The following LARGE1 variants were observed in gnomAD, a reference collection of about 807,000 sequenced individuals.
LARGE1 encodes the protein LARGE xylosyl- and glucuronyltransferase 1, also known as xylosyl- and glucuronyltransferase LARGE1.
A neutral mutation model predicts 87.6 loss-of-function variants in LARGE1; 43 were observed. The ratio of observed to expected loss-of-function variants is 0.49; its 90% CI spans 0.38 to 0.63. The LOEUF (loss-of-function observed/expected upper bound fraction) is 0.63, where lower values mean the gene tolerates loss of function less well. Ranked by LOEUF, LARGE1 falls within the 30% of genes least tolerant of loss-of-function variation. LARGE1 has a pLI of 0.00. For synonymous variants in LARGE1, 434 were observed against 394.6 expected, an observed-to-expected ratio of 1.10 and a Z score of -1.18; for missense variants, 802 against 1,000.2, an observed-to-expected ratio of 0.80 and a Z score of 2.67.
intron 6 of LARGE1, among the ~76,000 whole-genome samples, chr22:33,456,627 T>C (rs960973150): frequency 1.1e-4 from 16 of 152,228 alleles, no homozygotes; most frequent in Admixed American, 5.2e-4. Flanking sequence ...GAACCTGTTG[T>C]AAATGCAACC....
chr22:33,169,314 T>C (rs889832710), intron 11 of LARGE1, among the ~76,000 whole-genome samples: 3 of 152,144 alleles, frequency 2.0e-5, no homozygotes, highest in Non-Finnish European at 4.4e-5. Flanking sequence ...AAAATTCTGC[T>C]TGGAGACAGT....
chr22:33,182,799 T>A (rs1923241580), intron 11 of LARGE1, among the ~76,000 whole-genome samples: 1 of 152,166 alleles, frequency 6.6e-6, no homozygotes, highest in Non-Finnish European at 1.5e-5. Context: ...TCTGACACCA[T>A]ATACAAAAGT....
At chr22:33,539,751 G>A (rs992415269) in intron 6 of LARGE1, among the ~76,000 whole-genome samples, 3 of 83,354 alleles carry the variant, frequency 3.6e-5, no homozygotes, top group South Asian at 4.1e-4. Context: ...GCTAATTTTT[G>A]TATTTTTTTG....
chr22:33,239,202 T>C (rs1458677372), intron 11 of LARGE1, among the ~76,000 whole-genome samples: 1 of 152,068 alleles, frequency 6.6e-6, no homozygotes, highest in African/African-American at 2.4e-5. Context: ...ATGCTGGAAT[T>C]TAAGGGGATG....
intron 6 of LARGE1, among the ~76,000 whole-genome samples, chr22:33,521,748 G>A (rs1036570560): frequency 2.6e-5 from 4 of 152,196 alleles, no homozygotes; most frequent in African/African-American, 9.7e-5. Context: ...TACTAGCAAT[G>A]TCTGCAAGGG....
intron 3 of LARGE1, among the ~76,000 whole-genome samples, chr22:33,642,710 C>CAA (rs60815644): frequency 0.4 from 7,034 of 17,418 alleles, 2,382 homozygotes; most frequent in Non-Finnish European, 0.47. Context: ...AAATGGAAAG[C>CAA]AAAAAAAAAA....
chr22:33,643,390 T>C (rs1019713757), intron 3 of LARGE1, among the ~76,000 whole-genome samples: 9 of 152,270 alleles, frequency 5.9e-5, no homozygotes, highest in African/African-American at 2.2e-4. Flanking sequence ...GGAAGACAGC[T>C]AAAGCAGTGT....
intron 11 of LARGE1, among the ~76,000 whole-genome samples, chr22:33,200,822 G>A (rs1924343598): frequency 6.6e-6 from 1 of 152,146 alleles, no homozygotes; most frequent in Non-Finnish European, 1.5e-5. Flanking sequence ...CATTGGAGAG[G>A]GAGTGCTAGT....
At chr22:33,847,359 T>C (rs141491982) in intron 1 of LARGE1, among the ~76,000 whole-genome samples, 54 of 152,372 alleles carry the variant, frequency 3.5e-4, no homozygotes, top group Middle Eastern at 3.4e-3. Flanking sequence ...GTTTCATGCA[T>C]ACACAAATAT....
At chr22:33,233,150 G>A (rs1357013081) in intron 11 of LARGE1, among the ~76,000 whole-genome samples, 2 of 152,178 alleles carry the variant, frequency 1.3e-5, no homozygotes, top group African/African-American at 4.8e-5. Flanking sequence ...GAGCATGCAA[G>A]GTAGCAAGGA....
intron 3 of LARGE1, among the ~76,000 whole-genome samples, chr22:33,628,067 G>A (rs1026673869): frequency 6.6e-6 from 1 of 152,046 alleles, no homozygotes; most frequent in Non-Finnish European, 1.5e-5. Flanking sequence ...TGGGTGCTAC[G>A]GTCTCCACCT....
intron 1 of LARGE1, among the ~76,000 whole-genome samples, chr22:33,777,387 C>T (rs962017972): frequency 3.9e-5 from 6 of 152,018 alleles, no homozygotes; most frequent in African/African-American, 1.4e-4. Context: ...TCTGTAATCC[C>T]AGCACTTCGG....
intron 7 of LARGE1, among the ~76,000 whole-genome samples, chr22:33,392,868 G>A (rs1243380882): frequency 6.6e-6 from 1 of 152,160 alleles, no homozygotes. Flanking sequence ...ATTCCCGTGA[G>A]TGTGAAATGT....
intron 12 of LARGE1, among the ~76,000 whole-genome samples, chr22:33,299,052 TA>T (rs147501992): frequency 4.1e-5 from 6 of 147,394 alleles, no homozygotes; most frequent in African/African-American, 5.0e-5. Context: ...TTACAAATGG[TA>T]AAAAAAAAAT....
At chr22:33,690,734 T>A (rs1603163639) in intron 2 of LARGE1, among the ~76,000 whole-genome samples, 2 of 149,008 alleles carry the variant, frequency 1.3e-5, no homozygotes, top group Non-Finnish European at 1.5e-5. Flanking sequence ...GCAGCCAAGG[T>A]GGAGGCTGGC....
chr22:33,651,273 T>C (rs1341680493), intron 2 of LARGE1, among the ~76,000 whole-genome samples: 1 of 137,996 alleles, frequency 7.2e-6, no homozygotes, highest in Non-Finnish European at 1.5e-5. Flanking sequence ...ACACCTGTAG[T>C]CCCAGCTACT....
the LARGE1 span, among the ~76,000 whole-genome samples, chr22:33,119,972 T>C: frequency 1.3e-5 from 2 of 152,082 alleles, no homozygotes; most frequent in East Asian, 3.9e-4. Flanking sequence ...AGCTAAAAAT[T>C]CCAAGATCTC....
At chr22:33,481,782 CAG>C (rs1440610402) in intron 6 of LARGE1, among the ~76,000 whole-genome samples, 2 of 152,178 alleles carry the variant, frequency 1.3e-5, no homozygotes, top group African/African-American at 4.8e-5. Flanking sequence ...CCAACTGAAA[CAG>C]AGGTTGACAG....
At chr22:33,157,142 TG>T in the LARGE1 span, among the ~76,000 whole-genome samples, 2 of 152,244 alleles carry the variant, frequency 1.3e-5, no homozygotes, top group Non-Finnish European at 2.9e-5. Flanking sequence ...TAATAAAGAC[TG>T]GCCTTTTGTA....
Sources: allele counts gnomAD v4.1 joint callset (sites outside exome capture counted in the v4.1 genomes callset), GRCh38; gene constraint gnomAD v4.1.1; transcripts MANE v1.5; gene names NCBI Gene and HGNC (gene_info 2026-07-23, HGNC 2026-07-21).